The following PRKCH variants were observed in gnomAD, a reference collection of about 807,000 sequenced individuals.
PRKCH encodes protein kinase C eta type.
Under a neutral mutation model 82.5 loss-of-function variants are expected in PRKCH, and 28 were observed. The ratio of observed to expected loss-of-function variants is 0.34; its 90% CI spans 0.25 to 0.47. PRKCH has a LOEUF of 0.47. Ranked by LOEUF, PRKCH falls within the 20% of genes least tolerant of loss-of-function variation. PRKCH has a pLI of 1.00. For synonymous variants in PRKCH, 322 were observed against 327.4 expected, an observed-to-expected ratio of 0.98 and a Z score of 0.18; for missense variants, 705 against 881.8, an observed-to-expected ratio of 0.80 and a Z score of 2.54.
chr14:61,200,478 G>A (rs1312756889), intron 1 of PRKCH, among the ~76,000 whole-genome samples: 3 of 152,054 alleles, frequency 2.0e-5, no homozygotes, highest in South Asian at 2.1e-4. Context: ...ATAGAAAAAA[G>A]CCAGGTCACA....
At chr14:61,223,170 C>G (rs1221888765) in intron 1 of PRKCH, among the ~76,000 whole-genome samples, 1 of 152,132 alleles carries the variant, frequency 6.6e-6, no homozygotes, top group African/African-American at 2.4e-5. Flanking sequence ...CAGTCTTTCC[C>G]ATTTAAACGG....
At chr14:61,310,151 C>G (rs990134172) in intron 1 of PRKCH, among the ~76,000 whole-genome samples, 2 of 152,110 alleles carry the variant, frequency 1.3e-5, no homozygotes. Flanking sequence ...CTGGCCCCTC[C>G]CAAATCTCAT....
intron 1 of PRKCH, among the ~76,000 whole-genome samples, chr14:61,347,734 C>T (rs1594934302): frequency 6.6e-6 from 1 of 152,086 alleles, no homozygotes; most frequent in South Asian, 2.1e-4. Flanking sequence ...TAGTAATGAA[C>T]CTCATTAATA....
At chr14:61,401,705 T>C (rs1272341526) in intron 2 of PRKCH, among the ~76,000 whole-genome samples, 1 of 152,244 alleles carries the variant, frequency 6.6e-6, no homozygotes, top group Non-Finnish European at 1.5e-5. Context: ...ATTCATGTTA[T>C]TAAAGGTCAA....
chr14:61,387,492 G>C (rs1005038800), intron 1 of PRKCH, among the ~76,000 whole-genome samples: 1 of 152,228 alleles, frequency 6.6e-6, no homozygotes, highest in Non-Finnish European at 1.5e-5. Flanking sequence ...AGGTAAATGA[G>C]TGGAAATTAT....
At chr14:61,469,908 A>G (rs1302988201) in intron 9 of PRKCH, among the ~76,000 whole-genome samples, 1 of 152,064 alleles carries the variant, frequency 6.6e-6, no homozygotes, top group Non-Finnish European at 1.5e-5. Context: ...AGGACGCAGC[A>G]GTGAGCAAAA....
intron 1 of PRKCH, among the ~76,000 whole-genome samples, chr14:61,221,945 A>G (rs1280873650): frequency 1.3e-5 from 2 of 152,154 alleles, no homozygotes; most frequent in African/African-American, 4.8e-5. Flanking sequence ...CAAACGGTCC[A>G]CAGAGATTGC....
chr14:61,222,439 T>A (rs2044662958), intron 1 of PRKCH, among the ~76,000 whole-genome samples: 1 of 152,226 alleles, frequency 6.6e-6, no homozygotes. Flanking sequence ...AATGGCATTT[T>A]ACTTCAAAAC....
At chr14:61,524,660 A>C (rs1237311362) in intron 10 of PRKCH, among the ~76,000 whole-genome samples, 1 of 152,222 alleles carries the variant, frequency 6.6e-6, no homozygotes, top group Non-Finnish European at 1.5e-5. Flanking sequence ...TTCCCTTTAG[A>C]GTGGAAGCTG....
At chr14:61,471,812 C>T (rs749230599) in intron 9 of PRKCH, among the ~76,000 whole-genome samples, 1 of 152,018 alleles carries the variant, frequency 6.6e-6, no homozygotes, top group East Asian at 1.9e-4. Context: ...CCAAACATAT[C>T]GCCAGACATT....
At chr14:61,481,064 C>T (rs577699255) in intron 9 of PRKCH, among the ~76,000 whole-genome samples, 2 of 152,300 alleles carry the variant, frequency 1.3e-5, no homozygotes, top group South Asian at 4.1e-4. Context: ...TCGGTGTCCC[C>T]ATAACACCTT....
At chr14:61,479,861 C>G (rs1885887938) in intron 9 of PRKCH, among the ~76,000 whole-genome samples, 1 of 152,224 alleles carries the variant, frequency 6.6e-6, no homozygotes, top group Non-Finnish European at 1.5e-5. Flanking sequence ...CCTCCCACAC[C>G]TGTAACTCAC....
rs1374614956 is a variant in PRKCH, at chr14:61,485,433, A to G, written c.1279-69A>G. On this transcript the variant is annotated intron_variant, in intron 9 of 13. Coordinates refer to ENST00000332981, the MANE Select transcript of PRKCH (RefSeq NM_006255.5). ...CCTCTCTATGCCACAGCCTTAGGCAATATGCTGCTGATGGAGCTCTAGGTT... is the reference window on the plus strand; with the variant it reads ...CCTCTCTATGCCACAGCCTTAGGCAGTATGCTGCTGATGGAGCTCTAGGTT... 8 of 1,549,356 alleles carry G rather than the reference A, an allele frequency of 5.2e-6. No homozygotes were observed. In the African/African-American group the frequency reaches 8.2e-5, roughly 16 times the overall value.
rs116103987 is a variant in PRKCH at position 61,312,960 on chromosome 14, T to C, written c.-19+125292T>C. 1.5e-3 allele frequency among the ~76,000 whole-genome samples: 224 copies of C among 152,296 alleles called. 1 individual carries two copies. Among genetic ancestry groups the C allele is most frequent in the African/African-American group, 5.1e-3 (212 of 41,550 alleles). ...GATCATTTGAATTGATAATAAACAT[T>C]TTGTGTATTAAATTTTATCACTATA... On this transcript the variant is annotated intron_variant, in intron 1 of 3. Coordinates refer to the PRKCH transcript ENST00000555185.
At chr14:61,421,468 A>C (rs994846826) in intron 2 of PRKCH, among the ~76,000 whole-genome samples, 4 of 152,136 alleles carry the variant, frequency 2.6e-5, no homozygotes, top group Non-Finnish European at 5.9e-5. Flanking sequence ...AGAATTTATG[A>C]AATCTGATAA....
At chr14:61,421,070 CTAA>C in intron 2 of PRKCH, among the ~76,000 whole-genome samples, 1 of 151,562 alleles carries the variant, frequency 6.6e-6, no homozygotes, top group East Asian at 1.9e-4. Context: ...GTTGCCATTG[CTAA>C]TGTTAGTTTA....
chr14:61,533,374 A>G (rs549322766), intron 12 of PRKCH, among the ~76,000 whole-genome samples: 1 of 151,658 alleles, frequency 6.6e-6, no homozygotes, highest in Non-Finnish European at 1.5e-5. Context: ...CCTAAAAACA[A>G]GAAGCTTAAA....
chr14:61,287,033 C>T lies in PRKCH; in HGVS notation c.-19+99365C>T, dbSNP rs1313939089. Among the ~76,000 whole-genome samples, 5 of 151,284 alleles carry T rather than the reference C, an allele frequency of 3.3e-5. No homozygotes were observed. The East Asian group carries it at 9.8e-4, about 30-fold the overall frequency. On this transcript the variant is annotated intron_variant, in intron 1 of 3. Coordinates refer to the PRKCH transcript ENST00000555185. The stretch of plus-strand genomic sequence containing the variant: ...CCAGCCTGGCCAATATGGCGAAACC[C>T]CGTCACTACTAAAAATACAAAAATT...
chr14:61,203,908 AC>A (rs2044503152), intron 1 of PRKCH, among the ~76,000 whole-genome samples: 1 of 152,090 alleles, frequency 6.6e-6, no homozygotes, highest in African/African-American at 2.4e-5. Flanking sequence ...ACACACAAAT[AC>A]CCACACACTT....
Sources: allele counts gnomAD v4.1 joint callset (sites outside exome capture counted in the v4.1 genomes callset), GRCh38; gene constraint gnomAD v4.1.1; transcripts MANE v1.5; gene names NCBI Gene and HGNC (gene_info 2026-07-23, HGNC 2026-07-21).